OOSP1: variants seen among roughly 807,000 people sequenced by gnomAD.
OOSP1 encodes oocyte secreted protein 1.
OOSP1 carries 11 observed loss-of-function variants against 5.7 expected under a neutral mutation model. That is an observed-to-expected ratio of 1.94 (90% confidence interval 1.22 to 3.20). The LOEUF (loss-of-function observed/expected upper bound fraction) is 3.20. Among genes scored for constraint, OOSP1 ranks in the 30% most tolerant of loss-of-function variants. The pLI, the probability that OOSP1 is intolerant of heterozygous loss-of-function variation, is 0.00. For missense variants in OOSP1, 83 were observed against 54.1 expected (o/e 1.53, Z -1.67); for synonymous variants, 44 against 20.0 (o/e 2.20, Z -3.20).
intron 1 of OOSP1, among the ~76,000 whole-genome samples, chr11:59,939,623 CCTTT>C (rs1199497510): frequency 4.0e-5 from 6 of 149,962 alleles, no homozygotes; most frequent in East Asian, 2.0e-4. Flanking sequence ...CTTCCTCTTC[CCTTT>C]CTATTACTCT....
Position 59,945,275 on chromosome 11 carries a change from G to A in OOSP1, c.356+9G>A. 8.5e-6 allele frequency: 6 copies of A among 702,968 alleles called. No individual in the cohort carries two copies. Among genetic ancestry groups the A allele is most frequent in the Non-Finnish European group, 1.3e-5 (5 of 384,968 alleles). The allele number at this position is 702,968 out of a possible 1,614,324, so 43.5% of individuals were successfully genotyped here. A position where few individuals can be genotyped will look rare whatever the true frequency, so the allele number is the denominator to read the frequency against. ...TCGTGTGTCGTCCACAAGTGAGTAT[G>A]GAATGCCAAACCCCTGTCCTAGCCC... On this transcript the variant is annotated intron_variant, in intron 3 of 4. Transcript: ENST00000646685.
exon 3 of OOSP1, chr11:59,945,222 C>T (rs1391500040): frequency 5.7e-6 from 4 of 702,916 alleles, no homozygotes; most frequent in Non-Finnish European, 1.0e-5. Context: ...TCTCAAGAGA[C>T]TCTACTGTCC....
chr11:59,949,007 G>A (rs1000015532), intron 4 of OOSP1: 10 of 378,350 alleles, frequency 2.6e-5, no homozygotes, highest in Non-Finnish European at 4.7e-5. Context: ...TTTTATTTAT[G>A]AATAAAGTTT....
chr11:59,956,859 C>T (rs1853998418), intron 4 of OOSP1, among the ~76,000 whole-genome samples: 1 of 152,112 alleles, frequency 6.6e-6, no homozygotes, highest in South Asian at 2.1e-4. Flanking sequence ...CCAATCTCAT[C>T]CAAGTCACTG....
chr11:59,956,503 T>C (rs1265710936), intron 4 of OOSP1, among the ~76,000 whole-genome samples: 1 of 152,162 alleles, frequency 6.6e-6, no homozygotes, highest in Non-Finnish European at 1.5e-5. Flanking sequence ...TGTTTTTCTG[T>C]AAGTAGATTC....
chr11:59,948,892 T>C, intron 4 of OOSP1: 1 of 396,934 alleles, frequency 2.5e-6, no homozygotes, highest in Non-Finnish European at 4.4e-6. Context: ...CTCTCAACTG[T>C]TATCCATCTG....
At chr11:59,949,312 G>C (rs1853916130) in intron 4 of OOSP1, among the ~76,000 whole-genome samples, 2 of 152,008 alleles carry the variant, frequency 1.3e-5, no homozygotes, top group South Asian at 4.2e-4. Context: ...TTAGGGAACA[G>C]AGGCAGAGTA....
chr11:59,949,002 T>C (rs747257362), intron 4 of OOSP1: 1 of 382,156 alleles, frequency 2.6e-6, no homozygotes, highest in African/African-American at 2.1e-5. Flanking sequence ...TGAAGTTTTA[T>C]TTATGAATAA....
At chr11:59,950,333 G>C (rs1275167511) in intron 4 of OOSP1, among the ~76,000 whole-genome samples, 1 of 152,102 alleles carries the variant, frequency 6.6e-6, no homozygotes, top group Admixed American at 6.6e-5. Flanking sequence ...AGAGGGAGAA[G>C]GTCCAGACTG....
At chr11:59,956,611 G>A (rs1047952239) in intron 4 of OOSP1, among the ~76,000 whole-genome samples, 1 of 152,062 alleles carries the variant, frequency 6.6e-6, no homozygotes, top group South Asian at 2.1e-4. Flanking sequence ...GGTTACATGA[G>A]TAAGTTCTTC....
chr11:59,945,855 G>T (rs996556316), intron 3 of OOSP1, among the ~76,000 whole-genome samples: 9 of 151,998 alleles, frequency 5.9e-5, no homozygotes, highest in Non-Finnish European at 1.3e-4. Context: ...AAGCATGGCT[G>T]GGGAGACCTC....
intron 3 of OOSP1, 36 bp downstream of exon 3, chr11:59,945,302 T>C: frequency 1.4e-6 from 1 of 702,884 alleles, no homozygotes; most frequent in East Asian, 2.7e-5. Flanking sequence ...TCCTAGCCCC[T>C]GGCTTCATTT....
At chr11:59,949,191 C>T (rs1290222813) in intron 4 of OOSP1, among the ~76,000 whole-genome samples, 3 of 152,130 alleles carry the variant, frequency 2.0e-5, no homozygotes, top group Admixed American at 2.0e-4. Context: ...AGTGCCTAAT[C>T]ATTCATTTAT....
intron 4 of OOSP1, among the ~76,000 whole-genome samples, chr11:59,952,318 A>G (rs775324891): frequency 6.6e-6 from 1 of 152,164 alleles, no homozygotes; most frequent in Non-Finnish European, 1.5e-5. Context: ...ATAAGTCATT[A>G]TATGAAGAAG....
chr11:59,950,104 C>T (rs1228642111), intron 4 of OOSP1, among the ~76,000 whole-genome samples: 1 of 152,082 alleles, frequency 6.6e-6, no homozygotes, highest in African/African-American at 2.4e-5. Context: ...GTCAATTGAT[C>T]TAAAGATTTG....
At chr11:59,945,025 G>A (rs1853866967) in intron 2 of OOSP1, 144 bp from the exon 3 acceptor site, 1 of 610,292 alleles carries the variant, frequency 1.6e-6, no homozygotes, top group African/African-American at 1.8e-5. Context: ...CCTGTTTCCT[G>A]TGAACAGATG....
At chr11:59,945,669 T>TGAACCCA (rs1373096896) in intron 3 of OOSP1, among the ~76,000 whole-genome samples, 2 of 136,776 alleles carry the variant, frequency 1.5e-5, no homozygotes, top group African/African-American at 5.6e-5. Context: ...CAGAATGGCG[T>TGAACCCA]GAACCCAGGA....
In OOSP1 at chr11:59,956,761, G is replaced by GTCC. The variant is rs199843892; in HGVS notation, c.487-431_487-429dup. Among the ~76,000 whole-genome samples, 430 of 152,028 alleles carry GTCC rather than the reference G, an allele frequency of 2.8e-3. 1 individual carries two copies. Among genetic ancestry groups the GTCC allele is most frequent in the African/African-American group, 9.9e-3 (410 of 41,470 alleles). ...CACTGTATCTTTCTTATGCCTTTGCGTCCTCATAGCTCAGTTCCCACATAT... is the reference window on the plus strand; with the variant it reads ...CACTGTATCTTTCTTATGCCTTTGCGTCCTCCTCATAGCTCAGTTCCCACATAT... On this transcript the variant is annotated intron_variant, in intron 4 of 4. Transcript: ENST00000646685.
intron 1 of OOSP1, among the ~76,000 whole-genome samples, chr11:59,942,182 C>T: frequency 6.6e-6 from 1 of 152,074 alleles, no homozygotes; most frequent in East Asian, 1.9e-4. Context: ...AACAAAAAAA[C>T]TCATGCCTAC....
Sources: allele counts gnomAD v4.1 joint callset (sites outside exome capture counted in the v4.1 genomes callset), GRCh38; gene constraint gnomAD v4.1.1; transcripts MANE v1.5; gene names NCBI Gene and HGNC (gene_info 2026-07-23, HGNC 2026-07-21).